Variants in BMP2K observed in about 807,000 individuals in gnomAD.
The protein encoded by BMP2K is BMP2 inducible kinase, also known as BMP-2-inducible protein kinase.
Under a neutral mutation model 116.0 loss-of-function variants are expected in BMP2K, and 74 were observed. The ratio of observed to expected loss-of-function variants is 0.64; its 90% CI spans 0.53 to 0.77. The LOEUF (loss-of-function observed/expected upper bound fraction) is 0.77, where lower values mean the gene tolerates loss of function less well. BMP2K is among the 30% of genes least tolerant of loss of function. The pLI, the probability that BMP2K is intolerant of heterozygous loss-of-function variation, is 0.00. For synonymous variants in BMP2K, 486 were observed against 502.5 expected (o/e 0.97, Z 0.44); for missense variants, 1,365 against 1,403.6 (o/e 0.97, Z 0.44).
chr4:78,808,486 T>A (rs1728931360), intron 1 of BMP2K, among the ~76,000 whole-genome samples: 1 of 152,060 alleles, frequency 6.6e-6, no homozygotes, highest in South Asian at 2.1e-4. Flanking sequence ...CAGGATGGTC[T>A]CAATCTCCTG....
At chr4:78,887,687 CTT>C (rs1242614705) in intron 15 of BMP2K, among the ~76,000 whole-genome samples, 2 of 152,018 alleles carry the variant, frequency 1.3e-5, no homozygotes, top group East Asian at 1.9e-4. Context: ...TTGTTTTACT[CTT>C]GTCTTCTTAT....
At chr4:78,865,515 A>G (rs767195431) in intron 9 of BMP2K, 42 bp from the exon 10 acceptor site, 6 of 1,573,892 alleles carry the variant, frequency 3.8e-6, no homozygotes, top group Non-Finnish European at 5.2e-6. Context: ...TAAATTAGAA[A>G]TAATCCCAGT....
chr4:78,776,385 C>A lies in BMP2K; in HGVS notation c.-159C>A, dbSNP rs1025507744. On this transcript the variant is annotated 5_prime_UTR_variant, in exon 1 of 16. Coordinates refer to ENST00000502613, the MANE Select transcript of BMP2K (RefSeq NM_198892.2). ...GAGCCGCGGAGCGGGCGGCGGGGCC[C>A]AGGCTGTGCGCTTGGGGAGCGCGGA... The A allele has an allele frequency of 8.7e-6, 6 of 692,124 alleles. No individual in the cohort carries two copies. Among genetic ancestry groups the A allele is most frequent in the Non-Finnish European group, 1.1e-5 (6 of 541,936 alleles). 42.9% of individuals were successfully genotyped at this position (692,124 alleles called of 1,614,324 possible).
intron 12 of BMP2K, chr4:78,872,205 A>G (rs1732391666): frequency 3.0e-6 from 1 of 338,384 alleles, no homozygotes; most frequent in South Asian, 6.8e-5. Context: ...TCTTACCTAT[A>G]GTCTTTCGTC....
chr4:78,847,530 T>C (rs528925424), intron 6 of BMP2K, among the ~76,000 whole-genome samples: 66 of 151,818 alleles, frequency 4.3e-4, no homozygotes, highest in Non-Finnish European at 8.1e-4. Flanking sequence ...TTTGAGGATT[T>C]AGATTATATA....
chr4:78,778,759 C>T (rs531687589), intron 1 of BMP2K, among the ~76,000 whole-genome samples: 7 of 152,272 alleles, frequency 4.6e-5, no homozygotes, highest in East Asian at 1.9e-4. Flanking sequence ...AAGTCTAGTT[C>T]GCATTTAAGC....
chr4:78,786,405 ATGTGTG>A (rs34288286), intron 1 of BMP2K, among the ~76,000 whole-genome samples: 4,164 of 134,296 alleles, frequency 0.031, 75 homozygotes, highest in Middle Eastern at 0.061. Context: ...AAGCCACCCA[ATGTGTG>A]TGTGTGTGTG....
At chr4:78,832,919 A>T (rs953352472) in intron 2 of BMP2K, among the ~76,000 whole-genome samples, 1 of 151,982 alleles carries the variant, frequency 6.6e-6, no homozygotes. Flanking sequence ...AATTTATTTT[A>T]AATAATATTT....
intron 11 of BMP2K, among the ~76,000 whole-genome samples, chr4:78,871,401 G>A (rs1219926105): frequency 6.6e-6 from 1 of 152,170 alleles, no homozygotes; most frequent in Non-Finnish European, 1.5e-5. Flanking sequence ...GGTGATATTA[G>A]GCTTTTCAGA....
chr4:78,785,253 G>T (rs1353204349), intron 1 of BMP2K, among the ~76,000 whole-genome samples: 1 of 152,146 alleles, frequency 6.6e-6, no homozygotes, highest in African/African-American at 2.4e-5. Context: ...TGGGATTACA[G>T]GTTCTTGCCA....
intron 14 of BMP2K, among the ~76,000 whole-genome samples, chr4:78,881,479 C>CA (rs1259172977): frequency 6.6e-6 from 1 of 151,568 alleles, no homozygotes; most frequent in African/African-American, 2.4e-5. Context: ...TTTTAGGGTT[C>CA]AAAAAAGGTG....
At chr4:78,852,066 A>G (rs575864484) in intron 7 of BMP2K, among the ~76,000 whole-genome samples, 2 of 152,230 alleles carry the variant, frequency 1.3e-5, no homozygotes, top group East Asian at 3.9e-4. Context: ...GAAAAAAGGG[A>G]GCATAGAAGA....
At chr4:78,836,301 C>T (rs1304440880) in intron 3 of BMP2K, among the ~76,000 whole-genome samples, 1 of 151,838 alleles carries the variant, frequency 6.6e-6, no homozygotes, top group Non-Finnish European at 1.5e-5. Flanking sequence ...CCTGTAGTCC[C>T]AGCTACTTGG....
At chr4:78,810,160 A>G (rs1485154083) in intron 1 of BMP2K, among the ~76,000 whole-genome samples, 1 of 152,236 alleles carries the variant, frequency 6.6e-6, no homozygotes, top group Non-Finnish European at 1.5e-5. Context: ...GGGACTAATA[A>G]GTCTTCTAGC....
intron 15 of BMP2K, among the ~76,000 whole-genome samples, chr4:78,910,208 C>CTT (rs1286092676): frequency 1.3e-5 from 2 of 152,150 alleles, no homozygotes; most frequent in Non-Finnish European, 2.9e-5. Flanking sequence ...TATGGGAAAA[C>CTT]TTTACAAGAG....
intron 1 of BMP2K, among the ~76,000 whole-genome samples, chr4:78,813,059 A>G (rs1729164016): frequency 6.6e-6 from 1 of 152,056 alleles, no homozygotes; most frequent in Admixed American, 6.6e-5. Context: ...GAAAAAAAAA[A>G]AGATATGCAG....
chr4:78,839,883 G>A (rs186039195), intron 3 of BMP2K, among the ~76,000 whole-genome samples: 1 of 152,208 alleles, frequency 6.6e-6, no homozygotes, highest in East Asian at 1.9e-4. Context: ...TGCCCACCCA[G>A]ATTAAGGGTG....
intron 3 of BMP2K, among the ~76,000 whole-genome samples, chr4:78,836,839 A>G (rs868539455): frequency 6.6e-6 from 1 of 152,196 alleles, no homozygotes; most frequent in Non-Finnish European, 1.5e-5. Flanking sequence ...TTGTTGACAA[A>G]TTGATGTTAT....
chr4:78,883,431 A>G (rs772415893), intron 14 of BMP2K, among the ~76,000 whole-genome samples: 5 of 152,196 alleles, frequency 3.3e-5, no homozygotes, highest in Non-Finnish European at 7.4e-5. Flanking sequence ...TAAAAATTCA[A>G]TTGAAAACTT....
Sources: allele counts gnomAD v4.1 joint callset (sites outside exome capture counted in the v4.1 genomes callset), GRCh38; gene constraint gnomAD v4.1.1; transcripts MANE v1.5; gene names NCBI Gene and HGNC (gene_info 2026-07-23, HGNC 2026-07-21).